Variants in NECTIN3 observed in about 807,000 individuals in gnomAD.
NECTIN3 encodes the protein nectin cell adhesion molecule 3.
NECTIN3 carries 8 observed loss-of-function variants against 49.4 expected under a neutral mutation model. That is an observed-to-expected ratio of 0.16 (90% confidence interval 0.10 to 0.29). The LOEUF (loss-of-function observed/expected upper bound fraction) is 0.29. Ranked by LOEUF, NECTIN3 falls within the 10% of genes least tolerant of loss-of-function variation. NECTIN3 has a pLI of 1.00. For synonymous variants in NECTIN3, 277 were observed against 241.1 expected (o/e 1.15, Z -1.38); for missense variants, 581 against 654.6 (o/e 0.89, Z 1.23).
At position 111,122,102 on chromosome 3, in the gene NECTIN3, T is replaced by C; in HGVS notation, c.800-19T>C. 1 of 1,457,420 alleles carries C rather than the reference T, an allele frequency of 6.9e-7. No individual in the cohort carries two copies. The highest frequency in any genetic ancestry group is 9.6e-7 in the Non-Finnish European group (1 of 1,037,852). 90.3% of individuals were successfully genotyped at this position (1,457,420 alleles called of 1,614,324 possible). A position where few individuals can be genotyped will look rare whatever the true frequency, so the allele number is the denominator to read the frequency against. ...CATTAACAAAAGGTAATCTGTCCTG[T>C]CATGCATTTATTTTATAGATGCTCC... On this transcript the variant is annotated intron_variant, in intron 3 of 5. Transcript: ENST00000485303.
chr3:111,136,436 C>G lies in NECTIN3; in HGVS notation c.*2221C>G. 1.0e-6 allele frequency: 1 copy of G among 983,926 alleles called. No homozygotes were observed. The highest frequency in any genetic ancestry group is 1.2e-6 in the Non-Finnish European group (1 of 828,888). 60.9% of individuals were successfully genotyped at this position (983,926 alleles called of 1,614,324 possible). On this transcript the variant is annotated 3_prime_UTR_variant, in exon 6 of 6. Transcript: ENST00000485303. ...GTGAGTATTTGACATATTCTGTATC[C>G]TTAATCCAATCATTTGGCAAACTAA...
Position 111,135,037 on chromosome 3 carries a change from C to T in NECTIN3, c.*822C>T. On this transcript the variant is annotated 3_prime_UTR_variant, in exon 6 of 6. Coordinates refer to ENST00000485303, the MANE Select transcript of NECTIN3 (RefSeq NM_015480.3). ...CATTAGCAGTAGCCTTATTTTAATG[C>T]TTTATGTCCTAAACATACTAATAGA... The T allele has an allele frequency of 1.0e-6, 1 of 980,648 alleles. No homozygotes were observed. Among genetic ancestry groups the T allele is most frequent in the Non-Finnish European group, 1.2e-6 (1 of 826,186 alleles). 60.7% of individuals were successfully genotyped at this position (980,648 alleles called of 1,614,324 possible). A position where few individuals can be genotyped will look rare whatever the true frequency, so the allele number is the denominator to read the frequency against.
At chr3:111,082,142 T>C (rs892570878) in intron 1 of NECTIN3, among the ~76,000 whole-genome samples, 1 of 151,784 alleles carries the variant, frequency 6.6e-6, no homozygotes, top group Non-Finnish European at 1.5e-5. Flanking sequence ...GAAGGAGGAG[T>C]TAGATATGAA....
At chr3:111,104,899 G>T (rs918326387) in intron 1 of NECTIN3, among the ~76,000 whole-genome samples, 1 of 151,976 alleles carries the variant, frequency 6.6e-6, no homozygotes, top group East Asian at 1.9e-4. Flanking sequence ...TGTCAGTTTC[G>T]AATAAAGATG....
chr3:111,163,406 G>C (rs993767475), intron 7 of NECTIN3, among the ~76,000 whole-genome samples: 2 of 152,144 alleles, frequency 1.3e-5, no homozygotes, highest in Non-Finnish European at 2.9e-5. Flanking sequence ...GTTCTTAATG[G>C]GGGAGTGGCA....
At chr3:111,179,010 A>G (rs548950814) in intron 7 of NECTIN3, among the ~76,000 whole-genome samples, 1 of 152,336 alleles carries the variant, frequency 6.6e-6, no homozygotes, top group Admixed American at 6.5e-5. Context: ...GGCTGTAATA[A>G]AACTTGGCTA....
At chr3:111,095,498 G>T (rs189441509) in intron 1 of NECTIN3, among the ~76,000 whole-genome samples, 52 of 152,296 alleles carry the variant, frequency 3.4e-4, no homozygotes, top group Admixed American at 1.5e-3. Flanking sequence ...GCTAAATAGT[G>T]CAGAAAAAGA....
intron 1 of NECTIN3, among the ~76,000 whole-genome samples, chr3:111,109,172 C>T (rs1411919506): frequency 6.6e-6 from 1 of 152,034 alleles, no homozygotes; most frequent in Non-Finnish European, 1.5e-5. Flanking sequence ...GACACCAGTC[C>T]AATCATGGGG....
Position 111,137,492 on chromosome 3 carries a change from A to G in NECTIN3, c.*3277A>G, listed in dbSNP as rs1249004180. ...TTTTTCTTTTTTAACCAACCTGTGT[A>G]TTAGGTGTTAGCCCCAATAGCCATG... is the stretch of plus-strand genomic sequence containing the variant. On this transcript the variant is annotated 3_prime_UTR_variant, in exon 6 of 6. Coordinates refer to ENST00000485303, the MANE Select transcript of NECTIN3 (RefSeq NM_015480.3). 2 of 882,904 alleles carry G rather than the reference A, an allele frequency of 2.3e-6. No individual in the cohort carries two copies. The highest frequency in any genetic ancestry group is 2.6e-6 in the Non-Finnish European group (2 of 774,690). 54.7% of individuals were successfully genotyped at this position (882,904 alleles called of 1,614,324 possible).
intron 1 of NECTIN3, among the ~76,000 whole-genome samples, chr3:111,103,506 T>G (rs115250648): frequency 0.012 from 1,850 of 151,922 alleles, 39 homozygotes; most frequent in African/African-American, 0.043. Flanking sequence ...TGTAATTGAT[T>G]ATTAGCTCCA....
intron 1 of NECTIN3, among the ~76,000 whole-genome samples, chr3:111,088,550 T>C (rs1471195891): frequency 6.6e-6 from 1 of 152,068 alleles, no homozygotes. Flanking sequence ...AGGATATGAT[T>C]TTTTCCCCCA....
chr3:111,072,521 G>T, intron 1 of NECTIN3: 5 of 1,535,938 alleles, frequency 3.3e-6, no homozygotes, highest in Non-Finnish European at 4.4e-6. Context: ...GTAGGTTAAG[G>T]TGCCGGGATG....
rs559312203 is a variant in NECTIN3 at position 111,137,211 on chromosome 3, A to G, written c.*2996A>G. 1.1e-6 allele frequency: 1 copy of G among 937,846 alleles called. No homozygotes were observed. The highest frequency in any genetic ancestry group is 1.3e-6 in the Non-Finnish European group (1 of 786,884). 58.1% of individuals were successfully genotyped at this position (937,846 alleles called of 1,614,324 possible). A position where few individuals can be genotyped will look rare whatever the true frequency, so the allele number is the denominator to read the frequency against. ...ATATGAACAAGTAAGAAGTTTATGT[A>G]TGAAAGTAATCAATGTAAAATATAA... is the stretch of plus-strand genomic sequence containing the variant. On this transcript the variant is annotated 3_prime_UTR_variant, in exon 6 of 6. Transcript: ENST00000485303.
At chr3:111,137,769 CTTTTTTTT>C (rs3081495), downstream of NECTIN3, among the ~76,000 whole-genome samples, 1 of 100,044 alleles carries the variant, frequency 1.0e-5, no homozygotes. Context: ...AAATTTTTTC[CTTTTTTTT>C]TTTTTTTTTT....
chr3:111,104,928 A>T (rs1430981597), intron 1 of NECTIN3, among the ~76,000 whole-genome samples: 3 of 152,170 alleles, frequency 2.0e-5, no homozygotes, highest in African/African-American at 7.2e-5. Context: ...ATTGTGTTAA[A>T]TCTGTAGATC....
At chr3:111,085,675 C>T (rs1376140391) in intron 1 of NECTIN3, among the ~76,000 whole-genome samples, 1 of 151,922 alleles carries the variant, frequency 6.6e-6, no homozygotes, top group East Asian at 1.9e-4. Context: ...CTGTGAGATT[C>T]ATCCATGTTG....
chr3:111,088,887 G>A (rs2032089612), intron 1 of NECTIN3, among the ~76,000 whole-genome samples: 1 of 152,064 alleles, frequency 6.6e-6, no homozygotes, highest in Non-Finnish European at 1.5e-5. Context: ...TTGTGTAAGA[G>A]TTTAAGATTG....
rs56219611 is a variant in NECTIN3 at position 111,149,459 on chromosome 3, ATGTGTGTGTGTGTGTG to A, written c.1221+2009_1221+2024del. Among the ~76,000 whole-genome samples the A allele has an allele frequency of 8.1e-4, 104 of 128,400 alleles. 3 individuals carry two copies. Among genetic ancestry groups the A allele is most frequent in the Middle Eastern group, 3.9e-3 (1 of 256 alleles). The allele number at this position is 128,400 out of a possible 152,430, so 84.2% of individuals were successfully genotyped here. ...CCAGATAAGCCTCTATTCTGGTAGG[ATGTGTGTGTGTGTGTG>A]TGTGTGTGTGTGTGTGTGTGTGTGT... is the stretch of plus-strand genomic sequence containing the variant. On this transcript the variant is annotated intron_variant, in intron 7 of 8. Coordinates refer to the NECTIN3 transcript ENST00000493615.
In NECTIN3 at chr3:111,134,684, T is replaced by A; in HGVS notation, c.*469T>A. 1 of 849,396 alleles carries A rather than the reference T, an allele frequency of 1.2e-6. No homozygotes were observed. Among genetic ancestry groups the A allele is most frequent in the Non-Finnish European group, 1.4e-6 (1 of 706,474 alleles). 52.6% of individuals were successfully genotyped at this position (849,396 alleles called of 1,614,324 possible). On this transcript the variant is annotated 3_prime_UTR_variant, in exon 6 of 6. Coordinates refer to ENST00000485303, the MANE Select transcript of NECTIN3 (RefSeq NM_015480.3). ...ACTATAAAACTAATTCAAGAAATAT[T>A]TATATATATTTTTTAATATACAAAA...
Sources: gnomAD v4.1 joint callset for allele counts (sites outside exome capture counted in the v4.1 genomes callset) on GRCh38, gnomAD v4.1.1 for gene constraint, MANE v1.5 for transcripts, NCBI Gene and HGNC (gene_info 2026-07-23, HGNC 2026-07-21) for gene names.